Variants in ANKRD16 observed in about 807,000 individuals in gnomAD.
The protein encoded by ANKRD16 is ankyrin repeat domain 16, also known as ankyrin repeat domain-containing protein 16.
Under a neutral mutation model 37.9 loss-of-function variants are expected in ANKRD16, and 35 were observed. The ratio of observed to expected loss-of-function variants is 0.92; its 90% CI spans 0.71 to 1.23. The LOEUF is 1.23. Ranked by LOEUF, ANKRD16 falls within the 50% of genes most tolerant of loss-of-function variation. The probability of loss-of-function intolerance (pLI) is 0.00; values close to 1 mark genes in which losing one functional copy is unlikely to be tolerated. For missense variants in ANKRD16, 480 were observed against 469.9 expected (o/e 1.02, Z -0.20); for synonymous variants, 206 against 197.2 (o/e 1.04, Z -0.37).
At chr10:5,884,631 T>C (rs889073261) in intron 3 of ANKRD16, among the ~76,000 whole-genome samples, 2 of 149,976 alleles carry the variant, frequency 1.3e-5, no homozygotes, top group South Asian at 2.1e-4. Flanking sequence ...ACTTAGGAGG[T>C]TGAGGCAGGA....
chr10:5,862,499 G>T lies in ANKRD16; in HGVS notation c.*226C>A. ...CCATTTTTGGAGACAGACCCAGGGA[G>T]CTGACCTTGGGGGCCAGTGCAGATG... On this transcript the variant is annotated 3_prime_UTR_variant, in exon 8 of 8. Transcript: ENST00000380094. The surrounding 1 kb of genome is among the most constrained non-coding windows in gnomAD (Gnocchi z 6.5). 2.5e-6 allele frequency: 2 copies of T among 785,530 alleles called. No individual in the cohort carries two copies. The highest frequency in any genetic ancestry group is 1.9e-6 in the Non-Finnish European group (1 of 539,186). 48.7% of individuals were successfully genotyped at this position (785,530 alleles called of 1,614,324 possible).
In ANKRD16 at chr10:5,884,032, G is replaced by A. The variant is rs1479636736; in HGVS notation, c.624C>T (p.Ala208=). 2.2e-5 allele frequency: 35 copies of A among 1,614,066 alleles called. No homozygotes were observed. The highest frequency in any genetic ancestry group is 3.3e-5 in the Admixed American group (2 of 60,010). The change falls in exon 4 of 8, where the codon GCC becomes GCT. Residue 208 remains alanine, a synonymous_variant. Coordinates refer to ENST00000380094, the MANE Select transcript of ANKRD16 (RefSeq NM_019046.3). ...PDYRDNCGVT[A]LMDAIQCGHI... ...GCCCACACTGGATTGCGTCCATCAA[G>A]GCGGTGACGCCACAGTTGTCTCTGT...
chr10:5,887,708 C>CCCCCCG (rs1433532977), intron 2 of ANKRD16, 139 bp downstream of exon 2: 8 of 194,052 alleles, frequency 4.1e-5, no homozygotes, highest in South Asian at 2.9e-4. Context: ...CCCTCCCCCC[C>CCCCCCG]AGATGTTCTT....
chr10:5,885,471 C>T (rs976257382), intron 3 of ANKRD16, among the ~76,000 whole-genome samples: 4 of 151,822 alleles, frequency 2.6e-5, no homozygotes, highest in Middle Eastern at 3.4e-3. Context: ...CGTGAGCCAC[C>T]GAGCACTAAA....
In ANKRD16 at chr10:5,887,757, T is replaced by C. The variant is rs764039583; in HGVS notation, c.535+90A>G. On this transcript the variant is annotated intron_variant, in intron 2 of 7. Transcript: ENST00000380094. ...TGTTTTCCAAAATCCTCCTTTCCCCTGAAGGTGACCTGAACAAGATGCGGT... is the reference window on the plus strand; with the variant it reads ...TGTTTTCCAAAATCCTCCTTTCCCCCGAAGGTGACCTGAACAAGATGCGGT... 559 of 923,376 alleles carry C rather than the reference T, an allele frequency of 6.1e-4. 1 individual carries two copies. The highest frequency in any genetic ancestry group is 4.7e-4 in the Non-Finnish European group (326 of 698,754). The allele number at this position is 923,376 out of a possible 1,614,324, so 57.2% of individuals were successfully genotyped here. A position where few individuals can be genotyped will look rare whatever the true frequency, so the allele number is the denominator to read the frequency against.
At position 5,869,519 on chromosome 10, in the gene ANKRD16, TC is replaced by T. The variant is rs1172633644; in HGVS notation, c.*34-6829del. On this transcript the variant is annotated intron_variant, in intron 7 of 7. Coordinates refer to ENST00000380094, the MANE Select transcript of ANKRD16 (RefSeq NM_019046.3). This position sits in a 1 kb window ranked among gnomAD's most constrained non-coding sequence, Gnocchi z 4.0. ...AACTCGTCAGACCTCCCATACCACA[TC>T]CTCACTCTCAGCTGATCACCTGCTT... is the stretch of plus-strand genomic sequence containing the variant. Among the ~76,000 whole-genome samples, 1 of 151,864 alleles carries T rather than the reference TC, an allele frequency of 6.6e-6. No homozygotes were observed. Among genetic ancestry groups the T allele is most frequent in the African/African-American group, 2.4e-5 (1 of 41,354 alleles).
At chr10:5,873,463 C>T (rs1230420483) in intron 7 of ANKRD16, among the ~76,000 whole-genome samples, 3 of 152,174 alleles carry the variant, frequency 2.0e-5, no homozygotes, top group South Asian at 2.1e-4. Flanking sequence ...TAGGGGCCAC[C>T]GTGCTCAGCC....
At chr10:5,879,441 C>A (rs1343477630) in intron 6 of ANKRD16, among the ~76,000 whole-genome samples, 1 of 151,304 alleles carries the variant, frequency 6.6e-6, no homozygotes, top group Admixed American at 6.6e-5. Context: ...GCCCTCCAGA[C>A]TGGGTGACAG....
At position 5,871,444 on chromosome 10, in the gene ANKRD16, T is replaced by C. The variant is rs980212201; in HGVS notation, c.*33+6653A>G. Among the ~76,000 whole-genome samples the C allele has an allele frequency of 6.6e-6, 1 of 152,100 alleles. No individual in the cohort carries two copies. Among genetic ancestry groups the C allele is most frequent in the African/African-American group, 2.4e-5 (1 of 41,406 alleles). On this transcript the variant is annotated intron_variant, in intron 7 of 7. Transcript: ENST00000380094. This position sits in a 1 kb window ranked among gnomAD's most constrained non-coding sequence, Gnocchi z 4.5. ...AAATAAATATCACACCACATCACTC[T>C]TTCCAACTGAAAGAGTGTAATTTAA...
chr10:5,885,243 C>T (rs1025816019), intron 3 of ANKRD16, among the ~76,000 whole-genome samples: 4 of 152,010 alleles, frequency 2.6e-5, no homozygotes, highest in African/African-American at 7.3e-5. Context: ...TGCAGTGGCG[C>T]GATCTCGGCT....
Position 5,880,395 on chromosome 10 carries a change from G to T in ANKRD16, c.850-19C>A. The stretch of plus-strand genomic sequence containing the variant: ...GTCCTTCCTGAATTGAAACAAATTT[G>T]TTATCACTGTGATGAGGATAAAAGA... On this transcript the variant is annotated intron_variant, in intron 5 of 7. Transcript: ENST00000380094. 6 of 1,524,552 alleles carry T rather than the reference G, an allele frequency of 3.9e-6. No homozygotes were observed. The highest frequency in any genetic ancestry group is 5.4e-6 in the Non-Finnish European group (6 of 1,115,664). 94.4% of individuals were successfully genotyped at this position (1,524,552 alleles called of 1,614,324 possible).
rs990286302 is a variant in ANKRD16 at position 5,872,652 on chromosome 10, A to G, written c.*33+5445T>C. Among the ~76,000 whole-genome samples, 257 of 137,876 alleles carry G rather than the reference A, an allele frequency of 1.9e-3. 1 individual carries two copies. Among genetic ancestry groups the G allele is most frequent in the South Asian group, 6.4e-3 (27 of 4,198 alleles). 90.5% of individuals were successfully genotyped at this position (137,876 alleles called of 152,430 possible). ...GCTCACTGCAAGCTCCACCTCCTGG[A>G]TTCACGCCATACTCCTGCCTCAGCC... On this transcript the variant is annotated intron_variant, in intron 7 of 7. Coordinates refer to ENST00000380094, the MANE Select transcript of ANKRD16 (RefSeq NM_019046.3).
At chr10:5,882,100 G>C (rs1381375924) in intron 5 of ANKRD16, among the ~76,000 whole-genome samples, 1 of 152,086 alleles carries the variant, frequency 6.6e-6, no homozygotes, top group Non-Finnish European at 1.5e-5. Context: ...TCTTTGTCTA[G>C]CCAGTTAGTC....
intron 1 of ANKRD16, 94 bp from the exon 2 acceptor site, chr10:5,888,161 A>G (rs1842478381): frequency 8.5e-7 from 1 of 1,174,572 alleles, no homozygotes; most frequent in South Asian, 1.4e-5. Context: ...CTTGGCACAG[A>G]TGGAAAACCT....
chr10:5,876,081 AC>A (rs1272773269), intron 7 of ANKRD16, among the ~76,000 whole-genome samples: 1 of 152,146 alleles, frequency 6.6e-6, no homozygotes, highest in Non-Finnish European at 1.5e-5. Context: ...ACTGGGTTTC[AC>A]CATGTTGGCC....
intron 6 of ANKRD16, among the ~76,000 whole-genome samples, chr10:5,879,239 C>T (rs1182304003): frequency 4.6e-5 from 7 of 152,080 alleles, no homozygotes; most frequent in Non-Finnish European, 8.8e-5. Flanking sequence ...TTTGGGAGGG[C>T]GAGGTGGGCA....
chr10:5,883,125 G>A lies in ANKRD16; in HGVS notation c.730C>T (p.His244Tyr). 1 of 1,614,042 alleles carries A rather than the reference G, an allele frequency of 6.2e-7. No homozygotes were observed. The highest frequency in any genetic ancestry group is 8.5e-7 in the Non-Finnish European group (1 of 1,180,030). The change falls in exon 5 of 8, where the codon CAC (histidine) becomes TAC (tyrosine). Residue 244 changes from histidine to tyrosine, a missense_variant. His to Tyr is a moderately conservative substitution (Grantham distance 83, BLOSUM62 2). Transcript: ENST00000380094. ...AEDSLGAQAL[H>Y]RAAVTGQDEA... ...TCCTGCCCTGTGACAGCTGCCCTGT[G>A]CAGAGCCTGGGCACCCAGGCTGTCT...
rs560776881 is a variant in ANKRD16 at position 5,869,074 on chromosome 10, C to T, written c.*34-6383G>A. 5.9e-5 allele frequency among the ~76,000 whole-genome samples: 9 copies of T among 151,880 alleles called. No individual in the cohort carries two copies. Among genetic ancestry groups the T allele is most frequent in the East Asian group, 1.9e-4 (1 of 5,176 alleles). ...TTTCTTAAAACATTGAGATGTTTTG[C>T]GATTTTTTTTTTTAAAGCTCATCAG... On this transcript the variant is annotated intron_variant, in intron 7 of 7. Transcript: ENST00000380094. The surrounding 1 kb of genome is among the most constrained non-coding windows in gnomAD (Gnocchi z 4.0).
rs115757008 is a variant in ANKRD16, at chr10:5,869,499, G to A, written c.*34-6808C>T. Among the ~76,000 whole-genome samples the A allele has an allele frequency of 0.026, 3,951 of 151,886 alleles. 159 individuals are homozygous for A. The highest frequency in any genetic ancestry group is 0.09 in the African/African-American group (3,706 of 41,356). Reference sequence around the variant, plus strand: ...GGACTATTTCACCCTTCCCTAACTCGTCAGACCTCCCATACCACATCCTCA... The same window carrying A: ...GGACTATTTCACCCTTCCCTAACTCATCAGACCTCCCATACCACATCCTCA... On this transcript the variant is annotated intron_variant, in intron 7 of 7. Transcript: ENST00000380094. This position sits in a 1 kb window ranked among gnomAD's most constrained non-coding sequence, Gnocchi z 4.0.
Sources: gnomAD v4.1 joint callset for allele counts (sites outside exome capture counted in the v4.1 genomes callset) on GRCh38, gnomAD v4.1.1 for gene constraint, Gnocchi (gnomAD v3.1) non-coding constraint, MANE v1.5 for transcripts, NCBI Gene and HGNC (gene_info 2026-07-23, HGNC 2026-07-21) for gene names.